The following ARHGAP28 variants were observed in gnomAD, a reference collection of about 807,000 sequenced individuals.
ARHGAP28 encodes the protein rho GTPase-activating protein 28.
A neutral mutation model predicts 90.7 loss-of-function variants in ARHGAP28; 56 were observed. That is an observed-to-expected ratio of 0.62 (90% CI 0.50 to 0.77). The LOEUF (loss-of-function observed/expected upper bound fraction) is 0.77. Ranked by LOEUF, ARHGAP28 falls within the 30% of genes least tolerant of loss-of-function variation. The pLI, the probability that ARHGAP28 is intolerant of heterozygous loss-of-function variation, is 0.00. For missense variants in ARHGAP28, 869 were observed against 900.9 expected (o/e 0.96, Z 0.45); for synonymous variants, 308 against 323.3 (o/e 0.95, Z 0.51).
At chr18:6,906,388 T>C (rs1261069345) in intron 16 of ARHGAP28, among the ~76,000 whole-genome samples, 1 of 152,198 alleles carries the variant, frequency 6.6e-6, no homozygotes, top group Admixed American at 6.5e-5. Context: ...ATACCCAAAA[T>C]CTTTTTCTCA....
intron 10 of ARHGAP28, among the ~76,000 whole-genome samples, chr18:6,878,349 G>C (rs1256431192): frequency 8.4e-6 from 1 of 118,898 alleles, no homozygotes; most frequent in African/African-American, 3.2e-5. Context: ...CTGTTGTGGG[G>C]TGGGGGGAGG....
intron 1 of ARHGAP28, among the ~76,000 whole-genome samples, chr18:6,770,124 A>G (rs1353611358): frequency 6.6e-6 from 1 of 152,238 alleles, no homozygotes; most frequent in Non-Finnish European, 1.5e-5. Flanking sequence ...GTACATAAGC[A>G]GTAATTGCAG....
chr18:6,911,964 T>C (rs2057401719), intron 17 of ARHGAP28, 96 bp from the exon 18 acceptor site: 1 of 687,874 alleles, frequency 1.5e-6, no homozygotes, highest in East Asian at 2.9e-5. Flanking sequence ...TATATTAACC[T>C]TATTTGAACC....
chr18:6,739,248 G>A (rs1029682081), intron 1 of ARHGAP28, among the ~76,000 whole-genome samples: 4 of 151,966 alleles, frequency 2.6e-5, no homozygotes, highest in African/African-American at 9.7e-5. Context: ...GGACAATACC[G>A]GTATAGTATT....
chr18:6,891,316 AT>A (rs1167823570), intron 14 of ARHGAP28, among the ~76,000 whole-genome samples: 3,189 of 144,022 alleles, frequency 0.022, 119 homozygotes, highest in African/African-American at 0.073. Context: ...TTGGAGCTAC[AT>A]TTTTTTTTTT....
chr18:6,825,479 T>G (rs1164830018), intron 2 of ARHGAP28, among the ~76,000 whole-genome samples: 1 of 152,244 alleles, frequency 6.6e-6, no homozygotes, highest in African/African-American at 2.4e-5. Flanking sequence ...AAAGCCATGT[T>G]GTTGTTTTTT....
At chr18:6,876,312 A>G in intron 10 of ARHGAP28, 104 bp downstream of exon 10, 2 of 847,984 alleles carry the variant, frequency 2.4e-6, no homozygotes, top group Admixed American at 3.9e-5. Context: ...ATTAGATATT[A>G]TCACTTGGTC....
In ARHGAP28 at chr18:6,824,861, C is replaced by T. The variant is rs1422012115; in HGVS notation, c.222C>T (p.Asp74=). The part of the protein sequence containing the change: ...FSRSNSEASV[D]SASMEDFWRE... ...GTTCCAACTCAGAAGCCTCCGTAGA[C>T]AGCGCCTCCATGGAGGATTTCTGGC... Residue 74 remains aspartate (D), a synonymous_variant, in exon 2 of 18, where the codon GAC becomes GAT. Coordinates refer to ENST00000383472, the MANE Select transcript of ARHGAP28 (RefSeq NM_001366230.1). 1 of 1,536,390 alleles carries T rather than the reference C, an allele frequency of 6.5e-7. No individual in the cohort carries two copies. Among genetic ancestry groups the T allele is most frequent in the Non-Finnish European group, 8.7e-7 (1 of 1,146,944 alleles).
intron 1 of ARHGAP28, among the ~76,000 whole-genome samples, chr18:6,736,466 G>T (rs2055928188): frequency 1.3e-5 from 2 of 151,934 alleles, no homozygotes; most frequent in Admixed American, 1.3e-4. Context: ...TCGGCTGGGT[G>T]CAGTGGCTCA....
At chr18:6,817,647 A>G (rs777461763) in intron 1 of ARHGAP28, among the ~76,000 whole-genome samples, 4 of 152,216 alleles carry the variant, frequency 2.6e-5, no homozygotes, top group African/African-American at 4.8e-5. Context: ...ACTCAGTAAT[A>G]TCAAGGCCAA....
chr18:6,842,733 G>A (rs1173981166), intron 3 of ARHGAP28, among the ~76,000 whole-genome samples: 1 of 152,096 alleles, frequency 6.6e-6, no homozygotes, highest in African/African-American at 2.4e-5. Context: ...GAACTCTCCT[G>A]TGAATAGGAG....
chr18:6,757,158 TA>T (rs1327577837), intron 1 of ARHGAP28, among the ~76,000 whole-genome samples: 2 of 152,220 alleles, frequency 1.3e-5, no homozygotes, highest in East Asian at 1.9e-4. Flanking sequence ...TTGCAAAGAA[TA>T]TGACCTGCTT....
chr18:6,770,385 G>A (rs986460659), intron 1 of ARHGAP28, among the ~76,000 whole-genome samples: 4 of 152,200 alleles, frequency 2.6e-5, no homozygotes, highest in African/African-American at 7.2e-5. Context: ...GGGCAATAAA[G>A]CAATTCTACA....
At chr18:6,823,516 G>A (rs1440871502) in intron 1 of ARHGAP28, among the ~76,000 whole-genome samples, 1 of 151,852 alleles carries the variant, frequency 6.6e-6, no homozygotes, top group Non-Finnish European at 1.5e-5. Context: ...AGCATGGATG[G>A]ACAAATATTA....
chr18:6,885,299 A>G (rs1049904486), intron 11 of ARHGAP28, among the ~76,000 whole-genome samples: 11 of 152,228 alleles, frequency 7.2e-5, no homozygotes, highest in African/African-American at 2.7e-4. Context: ...ACCAGCAGGA[A>G]ATAATGGCCT....
chr18:6,825,043 A>G, intron 2 of ARHGAP28, 79 bp downstream of exon 2: 3 of 1,248,448 alleles, frequency 2.4e-6, no homozygotes, highest in South Asian at 3.2e-5. Context: ...ATAGGCAGAA[A>G]TCATCCCACC....
At chr18:6,839,435 A>C (rs1259553938) in intron 3 of ARHGAP28, among the ~76,000 whole-genome samples, 5 of 151,826 alleles carry the variant, frequency 3.3e-5, no homozygotes, top group Non-Finnish European at 7.4e-5. Context: ...CTGGGACTAT[A>C]GGCGCCAGCC....
At chr18:6,778,116 G>T (rs1001705397) in intron 1 of ARHGAP28, among the ~76,000 whole-genome samples, 1 of 152,116 alleles carries the variant, frequency 6.6e-6, no homozygotes, top group Non-Finnish European at 1.5e-5. Context: ...TTTAGAAATC[G>T]ACTAAGGATT....
intron 14 of ARHGAP28, among the ~76,000 whole-genome samples, chr18:6,892,363 G>A (rs2057272678): frequency 6.6e-6 from 1 of 152,094 alleles, no homozygotes; most frequent in South Asian, 2.1e-4. Context: ...TGTTGGCCAG[G>A]CTGGTTTCGA....
Sources: gnomAD v4.1 joint callset for allele counts (sites outside exome capture counted in the v4.1 genomes callset) on GRCh38, gnomAD v4.1.1 for gene constraint, MANE v1.5 for transcripts, NCBI Gene and HGNC (gene_info 2026-07-23, HGNC 2026-07-21) for gene names.